Variants in GTF2IRD1 observed in about 807,000 individuals in gnomAD.
GTF2IRD1 encodes the protein GTF2I repeat domain containing 1.
Under a neutral mutation model 113.2 loss-of-function variants are expected in GTF2IRD1, and 26 were observed. The ratio of observed to expected loss-of-function variants is 0.23; its 90% confidence interval spans 0.17 to 0.32. GTF2IRD1 has a LOEUF of 0.32. Ranked by LOEUF, GTF2IRD1 falls within the 10% of genes least tolerant of loss-of-function variation. The pLI is 1.00. For synonymous variants in GTF2IRD1, 484 were observed against 529.1 expected (o/e 0.91, Z 1.17); for missense variants, 864 against 1,280.8 (o/e 0.67, Z 4.97).
intron 1 of GTF2IRD1, among the ~76,000 whole-genome samples, chr7:74,498,703 G>A (rs1795858787): frequency 6.7e-6 from 1 of 149,536 alleles, no homozygotes; most frequent in Non-Finnish European, 1.5e-5. Context: ...TTCTCTGCTT[G>A]TCCTTCTTTC....
chr7:74,472,513 G>A (rs1242575781), intron 1 of GTF2IRD1, among the ~76,000 whole-genome samples: 2 of 152,136 alleles, frequency 1.3e-5, no homozygotes, highest in African/African-American at 2.4e-5. Context: ...TTGGGAGGCC[G>A]AGGCAGGAGG....
At chr7:74,580,355 G>T (rs587632724) in intron 22 of GTF2IRD1, among the ~76,000 whole-genome samples, 3 of 152,174 alleles carry the variant, frequency 2.0e-5, no homozygotes, top group South Asian at 2.1e-4. Flanking sequence ...CTTGCCCTTC[G>T]CTGGCTGCGT....
chr7:74,508,690 T>TAAAA (rs35760074), intron 2 of GTF2IRD1, among the ~76,000 whole-genome samples: 1 of 132,070 alleles, frequency 7.6e-6, no homozygotes, highest in African/African-American at 2.8e-5. Context: ...GACTCCGTCT[T>TAAAA]AAAAAAAAAA....
intron 24 of GTF2IRD1, among the ~76,000 whole-genome samples, chr7:74,594,014 A>G (rs587609080): frequency 8.2e-4 from 124 of 151,972 alleles, no homozygotes; most frequent in African/African-American, 2.7e-3. Flanking sequence ...CCTGGCCAAC[A>G]TAGTGAAATC....
intron 1 of GTF2IRD1, among the ~76,000 whole-genome samples, chr7:74,471,538 C>A (rs1554332320): frequency 6.6e-6 from 1 of 151,838 alleles, no homozygotes; most frequent in Non-Finnish European, 1.5e-5. Context: ...TAGCCAGGCA[C>A]TGTGGCTTGC....
rs183346471 is a variant in GTF2IRD1 at position 74,547,640 on chromosome 7, T to C, written c.1916+354T>C. 6.4e-3 allele frequency among the ~76,000 whole-genome samples: 970 copies of C among 151,990 alleles called. 15 individuals are homozygous for C. The highest frequency in any genetic ancestry group is 0.022 in the African/African-American group (896 of 41,438). On this transcript the variant is annotated intron_variant, in intron 17 of 26. Transcript: ENST00000424337. ...TTTTAGTGGAGACAGGGTTTCACCA[T>C]GTTGGCCAGGCTGGTCTTGAACTAC...
intron 1 of GTF2IRD1, among the ~76,000 whole-genome samples, chr7:74,486,709 T>C (rs1191592252): frequency 1.3e-5 from 2 of 151,982 alleles, no homozygotes; most frequent in South Asian, 2.1e-4. Flanking sequence ...TGGTGGCTCA[T>C]GCCTATAGTC....
At chr7:74,577,206 T>G (rs1801126784) in intron 22 of GTF2IRD1, among the ~76,000 whole-genome samples, 1 of 152,074 alleles carries the variant, frequency 6.6e-6, no homozygotes, top group African/African-American at 2.4e-5. Flanking sequence ...CCCAGCTAAT[T>G]TTTTGTATTT....
intron 17 of GTF2IRD1, among the ~76,000 whole-genome samples, chr7:74,551,248 C>T (rs1799288149): frequency 6.6e-6 from 1 of 152,090 alleles, no homozygotes; most frequent in Non-Finnish European, 1.5e-5. Context: ...GTGGCTGAGG[C>T]TCAAGAATCA....
In GTF2IRD1 at chr7:74,496,345, CATGT is replaced by C. The variant is rs782314636; in HGVS notation, c.-6-11729_-6-11726del. Among the ~76,000 whole-genome samples, 460 of 127,468 alleles carry C rather than the reference CATGT, an allele frequency of 3.6e-3. 3 individuals carry two copies. The highest frequency in any genetic ancestry group is 6.0e-3 in the Non-Finnish European group (368 of 61,426). The allele number at this position is 127,468 out of a possible 152,430, so 83.6% of individuals were successfully genotyped here. On this transcript the variant is annotated intron_variant, in intron 1 of 26. Coordinates refer to ENST00000424337, the MANE Select transcript of GTF2IRD1 (RefSeq NM_005685.4). Reference sequence around the variant, plus strand: ...GTGCATGGGGGTGTGCATGTATGTGCATGTGTGTGTGGGTGCATGTGTGTGTGCA... The same window carrying C: ...GTGCATGGGGGTGTGCATGTATGTGCGTGTGTGGGTGCATGTGTGTGTGCA...
intron 22 of GTF2IRD1, among the ~76,000 whole-genome samples, chr7:74,578,242 T>C (rs1801197363): frequency 6.6e-6 from 1 of 152,194 alleles, no homozygotes. Flanking sequence ...AGTGAAGTAG[T>C]GTGATCTTGG....
intron 22 of GTF2IRD1, among the ~76,000 whole-genome samples, chr7:74,568,888 G>A (rs1347921280): frequency 6.6e-6 from 1 of 152,108 alleles, no homozygotes; most frequent in Non-Finnish European, 1.5e-5. Context: ...CAGAGGTGCC[G>A]CCATGGATCA....
chr7:74,601,167 A>G lies in GTF2IRD1; in HGVS notation c.2753A>G (p.Gln918Arg). The change falls in exon 26 of 27, where the codon CAG becomes CGG. Residue 918 changes from glutamine (Q) to arginine (R), a missense_variant. By Grantham distance (43) the Gln-to-Arg change is conservative. Around this residue, in one of 7 missense-constraint regions of GTF2IRD1, gnomAD observed 55 missense variants for 52.2 expected, o/e 1.05. Transcript: ENST00000424337. ...SNPDSVASAN[Q>R]ISLVQWPMYM... is the part of the protein sequence containing the mutation. ...CCGGATTCAGTGGCATCGGCCAACC[A>G]GATCTCACTCGTGGTAAAGTTGCAC... The G allele has an allele frequency of 2.5e-6, 4 of 1,596,528 alleles. No individual in the cohort carries two copies. Among genetic ancestry groups the G allele is most frequent in the Non-Finnish European group, 3.4e-6 (4 of 1,170,704 alleles).
chr7:74,579,473 C>T (rs1247657349), intron 22 of GTF2IRD1, among the ~76,000 whole-genome samples: 1 of 152,028 alleles, frequency 6.6e-6, no homozygotes, highest in African/African-American at 2.4e-5. Context: ...CAAAAATTAG[C>T]CAAGCGTGGT....
intron 1 of GTF2IRD1, among the ~76,000 whole-genome samples, chr7:74,479,021 C>T (rs782820670): frequency 6.6e-6 from 1 of 152,086 alleles, no homozygotes; most frequent in Non-Finnish European, 1.5e-5. Flanking sequence ...CCCTTGGGAC[C>T]CCCCGTCGCC....
chr7:74,583,435 C>T (rs781921280), intron 22 of GTF2IRD1, among the ~76,000 whole-genome samples: 24 of 140,660 alleles, frequency 1.7e-4, no homozygotes, highest in Non-Finnish European at 2.9e-4. Flanking sequence ...GTTGCAAACT[C>T]GTGGCCTCAG....
chr7:74,487,787 T>C (rs1554335836), intron 1 of GTF2IRD1, among the ~76,000 whole-genome samples: 1 of 152,228 alleles, frequency 6.6e-6, no homozygotes, highest in Non-Finnish European at 1.5e-5. Context: ...ACAAAACAAC[T>C]TATACATAAT....
At chr7:74,525,871 T>A (rs1797565861) in intron 8 of GTF2IRD1, among the ~76,000 whole-genome samples, 1 of 152,176 alleles carries the variant, frequency 6.6e-6, no homozygotes, top group Admixed American at 6.5e-5. Flanking sequence ...GGTGGCTTCA[T>A]GGACGAGGTG....
intron 22 of GTF2IRD1, among the ~76,000 whole-genome samples, chr7:74,576,162 A>T (rs1228406662): frequency 6.6e-6 from 1 of 152,082 alleles, no homozygotes; most frequent in East Asian, 1.9e-4. Flanking sequence ...CCTGTCTCAA[A>T]AAAATAAATA....
Sources: allele counts gnomAD v4.1 joint callset (sites outside exome capture counted in the v4.1 genomes callset), GRCh38; gene constraint gnomAD v4.1.1; regional missense constraint gnomAD v4.1.1; transcripts MANE v1.5; gene names NCBI Gene and HGNC (gene_info 2026-07-23, HGNC 2026-07-21).